Variants in MSH6 observed in about 807,000 individuals in gnomAD.
MSH6 encodes mutS homolog 6.
MSH6 carries 85 observed loss-of-function variants against 119.1 expected under a neutral mutation model. The observed-to-expected ratio is 0.71, with a 90% CI of 0.60 to 0.85. MSH6 has a LOEUF of 0.85. MSH6 is among the 40% of genes least tolerant of loss of function. The pLI is 0.00. For synonymous variants in MSH6, 830 were observed against 586.9 expected, an observed-to-expected ratio of 1.41 and a Z score of -5.99; for missense variants, 2,163 against 1,655.3, an observed-to-expected ratio of 1.31 and a Z score of -5.32.
intron 3 of MSH6, 31 bp downstream of exon 3, chr2:47,796,094 T>C: frequency 6.2e-7 from 1 of 1,612,354 alleles, no homozygotes; most frequent in South Asian, 1.1e-5. Flanking sequence ...AGTTGTTATT[T>C]ATGTTAGGGT....
downstream of MSH6, chr2:47,808,608 TG>T: frequency 1.9e-6 from 1 of 518,774 alleles, no homozygotes; most frequent in Non-Finnish European, 3.4e-6. Context: ...TCCTGTCATC[TG>T]TGTCTTCGGA....
downstream of MSH6, chr2:47,807,373 T>TAAAAC (rs1670291738): frequency 4.8e-6 from 1 of 209,802 alleles, no homozygotes; most frequent in East Asian, 7.3e-5. Flanking sequence ...GAAGTCTCAT[T>TAAAAC]AAAACACTCA....
At position 47,804,925 on chromosome 2, in the gene MSH6, G is replaced by A. The variant is rs1572738396; in HGVS notation, c.3454G>A (p.Val1152Ile). The change falls in exon 6 of 10, where the codon GTA becomes ATA. Residue 1152 changes from valine (V) to isoleucine (I), a missense_variant. By Grantham distance (29) the Val-to-Ile change is conservative. Coordinates refer to ENST00000234420, the MANE Select transcript of MSH6 (RefSeq NM_000179.3). The part of the protein sequence containing the change: ...TLMRQAGLLA[V>I]MAQMGCYVPA... ...TCATTCACAGGCTGGCTTATTAGCT[G>A]TAATGGCCCAGATGGGTTGTTACGT... The A allele has an allele frequency of 6.2e-7, 1 of 1,614,020 alleles. No homozygotes were observed. Among genetic ancestry groups the A allele is most frequent in the Non-Finnish European group, 8.5e-7 (1 of 1,179,898 alleles).
chr2:47,796,387 AAATT>A (rs1669097994), intron 3 of MSH6, among the ~76,000 whole-genome samples: 1 of 152,022 alleles, frequency 6.6e-6, no homozygotes, highest in South Asian at 2.1e-4. Context: ...CAGGCCCTAG[AAATT>A]AATTATCCAG....
At position 47,803,563 on chromosome 2, in the gene MSH6, G is replaced by A. The variant is rs1553331552; in HGVS notation, c.3316G>A (p.Asp1106Asn). 2 of 1,614,118 alleles carry A rather than the reference G, an allele frequency of 1.2e-6. No individual in the cohort carries two copies. Among genetic ancestry groups the A allele is most frequent in the South Asian group, 2.2e-5 (2 of 91,086 alleles). Residue 1106 changes from aspartate to asparagine, a missense_variant, in exon 5 of 10, where the codon GAT (aspartate) becomes AAT (asparagine). Physicochemically the swap from Asp to Asn is conservative, Grantham distance 23. Transcript: ENST00000234420. ...HPCITKTFFGDDFIPNDILIG... is the reference protein window; with the variant it reads ...HPCITKTFFGNDFIPNDILIG... ...TTGCATTACGAAGACTTTTTTTGGA[G>A]ATGATTTTATTCCTAATGACATTCT...
intron 6 of MSH6, among the ~76,000 whole-genome samples, 193 bp downstream of exon 6, chr2:47,805,220 G>A (rs1166442556): frequency 1.5e-5 from 2 of 137,048 alleles, no homozygotes; most frequent in African/African-American, 5.5e-5. Flanking sequence ...CCCTCTTGTT[G>A]CCCAAGCTGG....
chr2:47,788,818 T>C (rs1365625946), intron 1 of MSH6, among the ~76,000 whole-genome samples: 1 of 149,158 alleles, frequency 6.7e-6, no homozygotes, highest in Non-Finnish European at 1.5e-5. Flanking sequence ...GTGATCTGCC[T>C]GCCTCGTCCT....
At chr2:47,802,280 C>G (rs1558385538) in intron 4 of MSH6, among the ~76,000 whole-genome samples, 3 of 152,142 alleles carry the variant, frequency 2.0e-5, no homozygotes, top group Admixed American at 6.6e-5. Context: ...CTTTAAATGT[C>G]ACGGCCAACA....
chr2:47,793,444 A>T (rs1240653361), intron 2 of MSH6, among the ~76,000 whole-genome samples: 2 of 150,922 alleles, frequency 1.3e-5, no homozygotes, highest in African/African-American at 4.9e-5. Flanking sequence ...CCTGACCAAG[A>T]TGGTGAAACA....
chr2:47,802,137 A>T (rs1669639104), intron 4 of MSH6, among the ~76,000 whole-genome samples: 1 of 152,226 alleles, frequency 6.6e-6, no homozygotes. Flanking sequence ...CCATCTGCAT[A>T]CAATTTTAAA....
rs143331529 is a variant in MSH6 at position 47,806,583 on chromosome 2, A to G, written c.3933A>G (p.Glu1311=). ...CAAGGCTTGCTAATCTCCCAGAGGA[A>G]GTTATTCAAAAGGGACATAGAAAAG... is the stretch of plus-strand genomic sequence containing the variant. ...NAARLANLPE[E]VIQKGHRKAR... The change falls in exon 9 of 10, where the codon GAA becomes GAG. Residue 1311 remains glutamate, a synonymous_variant. Coordinates refer to ENST00000234420, the MANE Select transcript of MSH6 (RefSeq NM_000179.3). The G allele has an allele frequency of 6.8e-6, 11 of 1,613,796 alleles. No homozygotes were observed. In the South Asian group the frequency reaches 1.2e-4, roughly 18 times the overall value.
At position 47,805,244 on chromosome 2, in the gene MSH6, G is replaced by A. The variant is rs1026259543; in HGVS notation, c.3556+217G>A. On this transcript the variant is annotated intron_variant, in intron 6 of 9. Transcript: ENST00000234420. ...TGCCCAAGCTGGAGTGCAATGGCAC[G>A]ATCTTGGCTCACTGCAACCTCTGCT... Among the ~76,000 whole-genome samples the A allele has an allele frequency of 1.2e-4, 18 of 150,782 alleles. No individual in the cohort carries two copies. In the East Asian group the frequency reaches 2.9e-3, roughly 25 times the overall value.
At chr2:47,788,917 T>TTTGTTTTTTTTTTTTGTTTTG (rs1558650198) in intron 1 of MSH6, among the ~76,000 whole-genome samples, 4 of 57,880 alleles carry the variant, frequency 6.9e-5, no homozygotes, top group African/African-American at 2.6e-4. Context: ...CTTTTTTTTT[T>TTTGTTTTTTTTTTTTGTTTTG]TTTTGTTTTT....
chr2:47,805,904 A>G lies in MSH6; in HGVS notation c.3646+197A>G, dbSNP rs3136362. 2.5e-4 allele frequency among the ~76,000 whole-genome samples: 38 copies of G among 152,344 alleles called. No homozygotes were observed. The South Asian group carries it at 6.2e-3, about 25-fold the overall frequency. ...AAAGGTTTTTGATTACCCATTAATT[A>G]TTAGGCCTTACACTGTTTAGTTGTA... On this transcript the variant is annotated intron_variant, in intron 7 of 9. Coordinates refer to ENST00000234420, the MANE Select transcript of MSH6 (RefSeq NM_000179.3).
At chr2:47,791,528 G>T (rs1171745686) in intron 2 of MSH6, among the ~76,000 whole-genome samples, 1 of 152,084 alleles carries the variant, frequency 6.6e-6, no homozygotes, top group Non-Finnish European at 1.5e-5. Flanking sequence ...GAACACATCT[G>T]AGTTGAGTTT....
chr2:47,799,566 A>G lies in MSH6; in HGVS notation c.1583A>G (p.Glu528Gly), dbSNP rs2104353150. ...GGTACACAGACTTACAGTGTGCTGG[A>G]AGGTGATCCCTCTGAGAACTACAGT... ...TKGTQTYSVL[E>G]GDPSENYSKY... Residue 528 changes from glutamate (E) to glycine (G), a missense_variant, in exon 4 of 10, where the codon GAA becomes GGA. Coordinates refer to ENST00000234420, the MANE Select transcript of MSH6 (RefSeq NM_000179.3). 1.2e-6 allele frequency: 2 copies of G among 1,614,186 alleles called. No individual in the cohort carries two copies. Among genetic ancestry groups the G allele is most frequent in the Non-Finnish European group, 1.7e-6 (2 of 1,180,028 alleles).
rs914343530 is a variant in MSH6, at chr2:47,783,533, G to A, written c.260+40G>A. On this transcript the variant is annotated intron_variant, in intron 1 of 9. Transcript: ENST00000234420. ...GTGGGGTCGAAGGCGGGGGCATAGCGGCGGGGCGCTTGGAACCCGGCGAGG... is the reference window on the plus strand; with the variant it reads ...GTGGGGTCGAAGGCGGGGGCATAGCAGCGGGGCGCTTGGAACCCGGCGAGG... 1.0e-5 allele frequency: 14 copies of A among 1,406,742 alleles called. 1 individual carries two copies. The highest frequency in any genetic ancestry group is 1.3e-5 in the Non-Finnish European group (14 of 1,080,382). The allele number at this position is 1,406,742 out of a possible 1,614,324, so 87.1% of individuals were successfully genotyped here.
Position 47,796,964 on chromosome 2 carries a change from C to T in MSH6, c.627+901C>T, listed in dbSNP as rs552854871. Among the ~76,000 whole-genome samples, 6 of 152,136 alleles carry T rather than the reference C, an allele frequency of 3.9e-5. No individual in the cohort carries two copies. In the East Asian group the frequency reaches 9.7e-4, roughly 24 times the overall value. ...CTGCATTCCAGCCAGGGTGACAGAG[C>T]AAGAAGACTGTCAACAACAACAAAA... On this transcript the variant is annotated intron_variant, in intron 3 of 9. Coordinates refer to ENST00000234420, the MANE Select transcript of MSH6 (RefSeq NM_000179.3).
chr2:47,805,718 A>G lies in MSH6; in HGVS notation c.3646+11A>G, dbSNP rs1553332780. 6.4e-7 allele frequency: 1 copy of G among 1,557,702 alleles called. No homozygotes were observed. The highest frequency in any genetic ancestry group is 8.8e-7 in the Non-Finnish European group (1 of 1,139,804). ...TTGTGGATGAATTAGGTAAGACATT[A>G]AACTTCTCATTTGAAGACTATCTAT... is the stretch of plus-strand genomic sequence containing the variant. On this transcript the variant is annotated intron_variant, in intron 7 of 9. Coordinates refer to ENST00000234420, the MANE Select transcript of MSH6 (RefSeq NM_000179.3).
Sources: allele counts gnomAD v4.1 joint callset (sites outside exome capture counted in the v4.1 genomes callset), GRCh38; gene constraint gnomAD v4.1.1; transcripts MANE v1.5; gene names NCBI Gene and HGNC (gene_info 2026-07-23, HGNC 2026-07-21).